Variants in SLC36A2 observed in about 807,000 individuals in gnomAD.
The protein encoded by SLC36A2 is solute carrier family 36 member 2.
In SLC36A2, 39 loss-of-function variants were observed where a neutral mutation model predicts 42.7. That is an observed-to-expected ratio of 0.91 (90% CI 0.71 to 1.19). The LOEUF is 1.19. Ranked by LOEUF, SLC36A2 falls within the 50% of genes most tolerant of loss-of-function variation. SLC36A2 has a pLI of 0.00. For missense variants in SLC36A2, 590 were observed against 613.7 expected (o/e 0.96, Z 0.41); for synonymous variants, 237 against 240.8 (o/e 0.98, Z 0.15).
chr5:151,337,183 A>G (rs1756183285), intron 5 of SLC36A2, among the ~76,000 whole-genome samples: 1 of 151,502 alleles, frequency 6.6e-6, no homozygotes, highest in African/African-American at 2.4e-5. Context: ...CCCATGACCT[A>G]CTCTTCCTCC....
At chr5:151,322,247 G>A (rs780603380) in intron 8 of SLC36A2, 32 bp from the exon 9 acceptor site, 18 of 1,611,940 alleles carry the variant, frequency 1.1e-5, no homozygotes, top group African/African-American at 8.0e-5. Flanking sequence ...TGCTCTCCAC[G>A]GCCACTGTGT....
intron 1 of SLC36A2, among the ~76,000 whole-genome samples, chr5:151,346,715 TTA>T (rs1356886340): frequency 2.6e-5 from 4 of 152,100 alleles, no homozygotes; most frequent in Non-Finnish European, 4.4e-5. Context: ...CCCTCTTTTT[TTA>T]TGTTTTGGAA....
At chr5:151,322,297 G>C (rs1183958995) in intron 8 of SLC36A2, 82 bp from the exon 9 acceptor site, 1 of 1,517,780 alleles carries the variant, frequency 6.6e-7, no homozygotes, top group Non-Finnish European at 9.0e-7. Context: ...CTCTGACCTT[G>C]GGACAATGAC....
At chr5:151,325,492 A>G (rs767196478) in intron 7 of SLC36A2, 40 bp from the exon 8 acceptor site, 8 of 1,608,450 alleles carry the variant, frequency 5.0e-6, no homozygotes, top group Admixed American at 1.7e-5. Context: ...AAAGAGTAAC[A>G]TGAACAAAAA....
intron 7 of SLC36A2, among the ~76,000 whole-genome samples, chr5:151,325,954 A>G (rs1755840736): frequency 1.3e-5 from 2 of 152,220 alleles, no homozygotes; most frequent in African/African-American, 2.4e-5. Context: ...AAAGAAAGCA[A>G]TAATCTGAAT....
rs368454152 is a variant in SLC36A2 at position 151,325,450 on chromosome 5, A to G, written c.846T>C (p.Val282=). The G allele has an allele frequency of 5.0e-6, 8 of 1,614,084 alleles. No homozygotes were observed. In the African/African-American group the frequency reaches 1.1e-4, roughly 22 times the overall value. ...TCTTCATCTTGTTTTCCAGAGGCAG[A>G]ACCTACAGAAACATCACAATGTAAG... The part of the protein sequence containing the change: ...AIFSFESIGV[V]LPLENKMKNA... Residue 282 remains valine (V), a splice_region_variant and synonymous_variant, in exon 8 of 10, where the codon GTT becomes GTC. Transcript: ENST00000335244.
chr5:151,327,315 A>G (rs1755880582), intron 7 of SLC36A2, among the ~76,000 whole-genome samples: 1 of 152,194 alleles, frequency 6.6e-6, no homozygotes, highest in Non-Finnish European at 1.5e-5. Context: ...CAGAACCAGA[A>G]AGTGTCAGAT....
At chr5:151,318,826 G>A (rs928839943) in intron 9 of SLC36A2, among the ~76,000 whole-genome samples, 4 of 152,074 alleles carry the variant, frequency 2.6e-5, no homozygotes, top group Admixed American at 2.0e-4. Flanking sequence ...AAAGAAACAC[G>A]AAAAGCTAAA....
At chr5:151,321,857 T>C in intron 9 of SLC36A2, 189 bp downstream of exon 9, 1 of 618,604 alleles carries the variant, frequency 1.6e-6, no homozygotes, top group Non-Finnish European at 2.9e-6. Flanking sequence ...GTTGTATTTT[T>C]AGTAGAGACA....
intron 5 of SLC36A2, among the ~76,000 whole-genome samples, chr5:151,336,335 C>G (rs529755562): frequency 2.0e-5 from 3 of 152,256 alleles, no homozygotes; most frequent in South Asian, 2.1e-4. Context: ...AGGCTGCTCA[C>G]TAGTTCTTCC....
chr5:151,325,247 A>G, intron 8 of SLC36A2, 39 bp downstream of exon 8: 1 of 1,606,434 alleles, frequency 6.2e-7, no homozygotes, highest in Non-Finnish European at 8.5e-7. Flanking sequence ...GTTTCCACCC[A>G]TTCCTGAGTC....
chr5:151,339,852 A>T (rs1487750244), intron 4 of SLC36A2, among the ~76,000 whole-genome samples: 1 of 152,214 alleles, frequency 6.6e-6, no homozygotes, highest in African/African-American at 2.4e-5. Flanking sequence ...GACAAATAAC[A>T]TACAGTCCCT....
intron 1 of SLC36A2, among the ~76,000 whole-genome samples, chr5:151,345,935 A>T (rs1222823966): frequency 6.6e-6 from 1 of 152,224 alleles, no homozygotes; most frequent in East Asian, 1.9e-4. Context: ...TATCATTGAC[A>T]GAGGAGAAAC....
chr5:151,335,121 A>G (rs530040621), intron 6 of SLC36A2, among the ~76,000 whole-genome samples: 38 of 152,278 alleles, frequency 2.5e-4, no homozygotes, highest in African/African-American at 7.5e-4. Flanking sequence ...AAAAATAGAT[A>G]TTTGGAGAAA....
chr5:151,319,560 G>T, intron 9 of SLC36A2: 2 of 154,304 alleles, frequency 1.3e-5, no homozygotes, highest in South Asian at 3.8e-4. Context: ...AACTGAAACT[G>T]AACAGCACTG....
rs887586433 is a variant in SLC36A2 at position 151,321,930 on chromosome 5, G to C, written c.1180+116C>G. ...TGACCTCAGGTGATCCACCCGCCTC[G>C]GCCTCCCAAAGTGCCAGGATTACAG... On this transcript the variant is annotated intron_variant, in intron 9 of 9. Coordinates refer to ENST00000335244, the MANE Select transcript of SLC36A2 (RefSeq NM_181776.3). 19 of 1,355,952 alleles carry C rather than the reference G, an allele frequency of 1.4e-5. 1 individual carries two copies. The highest frequency in any genetic ancestry group is 5.3e-5 in the Admixed American group (3 of 56,130). 84.0% of individuals were successfully genotyped at this position (1,355,952 alleles called of 1,614,324 possible). A position where few individuals can be genotyped will look rare whatever the true frequency, so the allele number is the denominator to read the frequency against.
intron 9 of SLC36A2, among the ~76,000 whole-genome samples, chr5:151,321,522 C>T (rs1399480479): frequency 6.6e-6 from 1 of 152,006 alleles, no homozygotes; most frequent in Non-Finnish European, 1.5e-5. Context: ...GTGTCAATCC[C>T]TTAGGCTGAA....
chr5:151,331,347 T>TA (rs1424094732), intron 7 of SLC36A2, among the ~76,000 whole-genome samples: 4 of 152,214 alleles, frequency 2.6e-5, no homozygotes, highest in African/African-American at 9.6e-5. Flanking sequence ...GACAGGGTCT[T>TA]ACTCTGTCAC....
chr5:151,325,580 T>C (rs1755831276), intron 7 of SLC36A2, 128 bp from the exon 8 acceptor site: 4 of 985,552 alleles, frequency 4.1e-6, no homozygotes, highest in East Asian at 2.6e-5. Flanking sequence ...TGTACACTTA[T>C]GTTCACAGTA....
Sources: allele counts gnomAD v4.1 joint callset (sites outside exome capture counted in the v4.1 genomes callset), GRCh38; gene constraint gnomAD v4.1.1; transcripts MANE v1.5; gene names NCBI Gene and HGNC (gene_info 2026-07-23, HGNC 2026-07-21).